The following FBN2 variants were observed in gnomAD, a reference collection of about 807,000 sequenced individuals.
FBN2 encodes fibrillin-2.
In FBN2, 105 loss-of-function variants were observed where a neutral mutation model predicts 355.6. The observed-to-expected ratio is 0.30, with a 90% CI of 0.25 to 0.35. FBN2 has a LOEUF of 0.35. Among genes scored for constraint, FBN2 ranks in the 10% least tolerant of loss-of-function variants. The pLI is 1.00. For synonymous variants in FBN2, 1,350 were observed against 1,301.2 expected (o/e 1.04, Z -0.81); for missense variants, 3,280 against 3,758.7 (o/e 0.87, Z 3.33).
At chr5:128,393,492 C>T in intron 9 of FBN2, 124 bp from the exon 10 acceptor site, 1 of 752,396 alleles carries the variant, frequency 1.3e-6, no homozygotes, top group East Asian at 2.7e-5. Context: ...AAGTAGGTTA[C>T]TATCTCAATA....
chr5:128,333,327 T>C (rs1750743514), intron 31 of FBN2, among the ~76,000 whole-genome samples: 1 of 152,142 alleles, frequency 6.6e-6, no homozygotes, highest in African/African-American at 2.4e-5. Context: ...TCCTGGGGCC[T>C]TCTTCCCTGC....
rs370814761 is a variant in FBN2 at position 128,313,643 on chromosome 5, T to C, written c.4718-848A>G. Among the ~76,000 whole-genome samples the C allele has an allele frequency of 1.7e-4, 26 of 151,802 alleles. No individual in the cohort carries two copies. In the South Asian group the frequency reaches 5.4e-3, roughly 32 times the overall value. On this transcript the variant is annotated intron_variant, in intron 36 of 64. Transcript: ENST00000262464. The stretch of plus-strand genomic sequence containing the variant: ...CTGTCTACTCAACCTTCAAAACATA[T>C]CTGGAATCGACCATCCTGGCTAACA...
At chr5:128,376,195 T>C (rs1381207182) in intron 14 of FBN2, among the ~76,000 whole-genome samples, 1 of 152,172 alleles carries the variant, frequency 6.6e-6, no homozygotes, top group African/African-American at 2.4e-5. Context: ...AGGTTATCAT[T>C]AGAGCTTGGT....
rs574431471 is a variant in FBN2, at chr5:128,352,899, AC to A, written c.2675-1895del. ...AGATAAAATTTACTTCTGGCCAGAC[AC>A]AGTGGCTCATGACTATAATCCCAGC... On this transcript the variant is annotated intron_variant, in intron 20 of 64. Coordinates refer to ENST00000262464, the MANE Select transcript of FBN2 (RefSeq NM_001999.4). Among the ~76,000 whole-genome samples, 11 of 152,330 alleles carry A rather than the reference AC, an allele frequency of 7.2e-5. No homozygotes were observed. In the East Asian group the frequency reaches 1.7e-3, roughly 24 times the overall value.
Position 128,469,549 on chromosome 5 carries a change from T to G in FBN2, c.629-4628A>C, listed in dbSNP as rs965116799. Among the ~76,000 whole-genome samples, 37 of 113,876 alleles carry G rather than the reference T, an allele frequency of 3.2e-4. No individual in the cohort carries two copies. The Middle Eastern group carries it at 0.019, about 57-fold the overall frequency. The allele number at this position is 113,876 out of a possible 152,430, so 74.7% of individuals were successfully genotyped here. On this transcript the variant is annotated intron_variant, in intron 5 of 64. Transcript: ENST00000262464. ...CCGTCTCAAAAAAAAAAAAAAAAAG[T>G]CAGTGGAGAGACTTCTTTCTGGCAT...
intron 25 of FBN2, 31 bp from the exon 26 acceptor site, chr5:128,339,092 A>C: frequency 6.2e-7 from 1 of 1,611,662 alleles, no homozygotes; most frequent in Middle Eastern, 1.7e-4. Flanking sequence ...GAAATTTAAA[A>C]ATTGAATGAG....
chr5:128,269,260 C>CAATAAT (rs574203752), intron 62 of FBN2, among the ~76,000 whole-genome samples: 3 of 143,768 alleles, frequency 2.1e-5, no homozygotes, highest in East Asian at 2.2e-4. Context: ...ACTAAAAATA[C>CAATAAT]AATAATAATA....
At chr5:128,294,801 T>C (rs1368650897) in intron 48 of FBN2, among the ~76,000 whole-genome samples, 1 of 147,512 alleles carries the variant, frequency 6.8e-6, no homozygotes. Flanking sequence ...TTCACTCTGA[T>C]GGTAGTTTCT....
intron 5 of FBN2, among the ~76,000 whole-genome samples, chr5:128,488,349 T>C (rs1182327691): frequency 6.6e-6 from 1 of 152,144 alleles, no homozygotes; most frequent in Non-Finnish European, 1.5e-5. Context: ...CCATGAATTG[T>C]CCGTAAGTTT....
intron 5 of FBN2, among the ~76,000 whole-genome samples, chr5:128,498,739 A>G (rs1055867127): frequency 1.3e-5 from 2 of 152,238 alleles, no homozygotes; most frequent in African/African-American, 4.8e-5. Context: ...GAAGTATTAT[A>G]TAAGTAGTAC....
intron 4 of FBN2, 100 bp downstream of exon 4, chr5:128,527,772 G>GT: frequency 8.3e-6 from 7 of 846,458 alleles, no homozygotes; most frequent in Non-Finnish European, 9.8e-6. Context: ...ACATAAAATT[G>GT]TTTTTTCAAA....
rs755917639 is a variant in FBN2, at chr5:128,305,840, A to G, written c.5531T>C (p.Leu1844Pro). 5.6e-6 allele frequency: 9 copies of G among 1,614,054 alleles called. No homozygotes were observed. The highest frequency in any genetic ancestry group is 1.1e-5 in the South Asian group (1 of 91,080). ...CAGATTACCTTCACAAACCAACAGC[A>G]GGTCATTGTAACTGAATCCTGTAGG... ...ECPTGFSYND[L>P]LLVCEDIDEC... The change falls in exon 43 of 65, where the codon CTG becomes CCG. Residue 1844 changes from leucine (L) to proline (P), a missense_variant. Transcript: ENST00000262464.
intron 34 of FBN2, among the ~76,000 whole-genome samples, chr5:128,324,451 C>A (rs1750485922): frequency 6.6e-6 from 1 of 152,140 alleles, no homozygotes; most frequent in Non-Finnish European, 1.5e-5. Flanking sequence ...CTAAACACTG[C>A]TTTAGCTGTG....
Position 128,351,013 on chromosome 5 carries a change from G to A in FBN2, c.2675-8C>T. ...AGGTCCCCTTCAGGCTGTCTGAAAA[G>A]GAACAGGAAAGGTTGGGGAGCTCTT... On this transcript the variant is annotated splice_region_variant and splice_polypyrimidine_tract_variant and intron_variant, in intron 20 of 64. Coordinates refer to ENST00000262464, the MANE Select transcript of FBN2 (RefSeq NM_001999.4). The A allele has an allele frequency of 1.2e-6, 2 of 1,614,176 alleles. No individual in the cohort carries two copies. The highest frequency in any genetic ancestry group is 2.2e-5 in the East Asian group (1 of 44,868).
chr5:128,499,143 C>T (rs1284947369), intron 5 of FBN2, among the ~76,000 whole-genome samples: 1 of 152,046 alleles, frequency 6.6e-6, no homozygotes, highest in Non-Finnish European at 1.5e-5. Context: ...TATTCCAAAT[C>T]CAGCGTTGCC....
chr5:128,522,496 C>G (rs1448874244), intron 4 of FBN2, among the ~76,000 whole-genome samples: 1 of 152,164 alleles, frequency 6.6e-6, no homozygotes, highest in Non-Finnish European at 1.5e-5. Flanking sequence ...GCATATAAGA[C>G]AAAGTGCACA....
intron 19 of FBN2, among the ~76,000 whole-genome samples, chr5:128,360,820 A>C (rs971557389): frequency 2.0e-5 from 3 of 151,984 alleles, no homozygotes; most frequent in African/African-American, 4.8e-5. Flanking sequence ...AAAAAAAAAA[A>C]CCAAATACTT....
chr5:128,351,557 A>G (rs1751368639), intron 20 of FBN2, among the ~76,000 whole-genome samples: 1 of 152,178 alleles, frequency 6.6e-6, no homozygotes, highest in Admixed American at 6.5e-5. Context: ...CAAAAAAAAA[A>G]AAGAAAAAAT....
rs548733751 is a variant in FBN2, at chr5:128,439,104, T to C, written c.952+7377A>G. Among the ~76,000 whole-genome samples the C allele has an allele frequency of 1.3e-4, 20 of 152,338 alleles. No homozygotes were observed. The East Asian group carries it at 3.7e-3, about 28-fold the overall frequency. The stretch of plus-strand genomic sequence containing the variant: ...GCTATCTTTTCGTAAGGATGAACAG[T>C]TTCCCACTGTGTGCATGTTTTTAAT... On this transcript the variant is annotated intron_variant, in intron 7 of 64. Coordinates refer to ENST00000262464, the MANE Select transcript of FBN2 (RefSeq NM_001999.4).
Sources: allele counts gnomAD v4.1 joint callset (sites outside exome capture counted in the v4.1 genomes callset), GRCh38; gene constraint gnomAD v4.1.1; transcripts MANE v1.5; gene names NCBI Gene and HGNC (gene_info 2026-07-23, HGNC 2026-07-21).